GAK: variants seen among roughly 807,000 people sequenced by gnomAD.
GAK encodes the protein cyclin G associated kinase.
Under a neutral mutation model 143.9 loss-of-function variants are expected in GAK, and 79 were observed. The ratio of observed to expected loss-of-function variants is 0.55; its 90% CI spans 0.46 to 0.66. The LOEUF (loss-of-function observed/expected upper bound fraction) is 0.66, where lower values mean the gene tolerates loss of function less well. GAK is among the 30% of genes least tolerant of loss of function. The probability of loss-of-function intolerance (pLI) is 0.00; values close to 1 mark genes in which losing one functional copy is unlikely to be tolerated. For missense variants in GAK, 1,693 were observed against 1,779.7 expected (o/e 0.95, Z 0.88); for synonymous variants, 881 against 765.5 (o/e 1.15, Z -2.49).
Position 849,549 on chromosome 4 carries a change from C to G in GAK, c.*124G>C. 1.5e-6 allele frequency: 1 copy of G among 677,404 alleles called. No individual in the cohort carries two copies. Among genetic ancestry groups the G allele is most frequent in the East Asian group, 2.7e-5 (1 of 36,404 alleles). 42.0% of individuals were successfully genotyped at this position (677,404 alleles called of 1,614,324 possible). ...CTGGAACGCTGGGCGGGCGGTGACC[C>G]GGGGCTCGGAGCCCCACCCTGGCCA... On this transcript the variant is annotated 3_prime_UTR_variant, in exon 28 of 28. Coordinates refer to ENST00000314167, the MANE Select transcript of GAK (RefSeq NM_005255.4).
At chr4:851,680 T>G (rs1044251526) in intron 25 of GAK, 70 bp downstream of exon 25, 1 of 1,486,778 alleles carries the variant, frequency 6.7e-7, no homozygotes, top group Non-Finnish European at 9.3e-7. Context: ...GAAAACAACA[T>G]AGGTTCTACC....
chr4:882,147 T>G, intron 14 of GAK, 107 bp from the exon 15 acceptor site: 1 of 1,204,118 alleles, frequency 8.3e-7, no homozygotes. Flanking sequence ...GACGCAGGGC[T>G]GTTCCTCTCT....
At chr4:849,834 A>ACCCCCCCCCCCCCCCCC (rs33919242) in intron 27 of GAK, 58 bp downstream of exon 27, 3 of 942,236 alleles carry the variant, frequency 3.2e-6, no homozygotes, top group South Asian at 1.5e-5. Flanking sequence ...GCGGGGCAGG[A>ACCCCCCCCCCCCCCCCC]CCCCCCCCCC....
At chr4:861,820 G>A (rs1750333515) in intron 23 of GAK, among the ~76,000 whole-genome samples, 3 of 152,222 alleles carry the variant, frequency 2.0e-5, no homozygotes, top group Non-Finnish European at 2.9e-5. Context: ...GTGATCTGGA[G>A]AGAAGGTCAA....
At chr4:887,042 T>G (rs1029174720) in intron 11 of GAK, 1 of 151,342 alleles carries the variant, frequency 6.6e-6, no homozygotes, top group African/African-American at 2.4e-5. Context: ...CTCCTACACA[T>G]GCACGCGGCC....
chr4:867,548 C>T (rs1751439091), intron 20 of GAK, 116 bp from the exon 21 acceptor site: 22 of 569,624 alleles, frequency 3.9e-5, no homozygotes, highest in Non-Finnish European at 2.8e-5. Flanking sequence ...CACACGTGGC[C>T]AGCACCAGGG....
At chr4:891,543 G>A (rs1302126410) in intron 9 of GAK, among the ~76,000 whole-genome samples, 2 of 152,124 alleles carry the variant, frequency 1.3e-5, no homozygotes, top group Non-Finnish European at 2.9e-5. Context: ...TTAAGCAGGG[G>A]TCTAACGTCT....
intron 5 of GAK, among the ~76,000 whole-genome samples, chr4:898,708 C>A (rs930384834): frequency 6.6e-6 from 1 of 152,092 alleles, no homozygotes; most frequent in African/African-American, 2.4e-5. Flanking sequence ...CTAAAAAATA[C>A]AAAAATTAGC....
In GAK at chr4:932,310, C is replaced by T; in HGVS notation, c.-123G>A. On this transcript the variant is annotated 5_prime_UTR_variant, in exon 1 of 28. Transcript: ENST00000314167. This position sits in a 1 kb window ranked among gnomAD's most constrained non-coding sequence, Gnocchi z 4.0. ...GGTGCACCATCTTCCGCCTCGACGCCGTGACGTAGGCGCCCGTGAGGACGC... is the reference window on the plus strand; with the variant it reads ...GGTGCACCATCTTCCGCCTCGACGCTGTGACGTAGGCGCCCGTGAGGACGC... 5 of 1,377,966 alleles carry T rather than the reference C, an allele frequency of 3.6e-6. No homozygotes were observed. Among genetic ancestry groups the T allele is most frequent in the Non-Finnish European group, 4.7e-6 (5 of 1,073,208 alleles). The allele number at this position is 1,377,966 out of a possible 1,614,324, so 85.4% of individuals were successfully genotyped here.
At chr4:883,592 A>G in intron 12 of GAK, 129 bp from the exon 13 acceptor site, 1 of 1,048,346 alleles carries the variant, frequency 9.5e-7, no homozygotes, top group East Asian at 2.4e-5. Flanking sequence ...GCCACTGCCC[A>G]CACAGCCGGC....
chr4:906,125 C>A (rs1721039972), intron 4 of GAK, among the ~76,000 whole-genome samples: 1 of 152,232 alleles, frequency 6.6e-6, no homozygotes, highest in Non-Finnish European at 1.5e-5. Flanking sequence ...GGCGTCCCAG[C>A]AGCCGAGGTG....
intron 21 of GAK, 88 bp from the exon 22 acceptor site, chr4:866,622 G>A (rs1018322228): frequency 7.0e-7 from 1 of 1,429,882 alleles, no homozygotes; most frequent in Non-Finnish European, 9.5e-7. Flanking sequence ...TGCCCAAGAG[G>A]CCACTCCAGC....
intron 5 of GAK, among the ~76,000 whole-genome samples, chr4:899,196 C>T (rs1207931993): frequency 2.6e-5 from 4 of 152,228 alleles, no homozygotes; most frequent in Non-Finnish European, 4.4e-5. Context: ...AAGCCTCAGC[C>T]CCAACATTTA....
chr4:889,049 G>GCCCCAGGTGCTTGGTCCCACCA lies in GAK; in HGVS notation c.1082-80_1082-79insTGGTGGGACCAAGCACCTGGGG. Reference sequence around the variant, plus strand: ...GGTGCGGGTTGCTGGCTGGGCCCAGGCCCCAGGCGCTCGGTCCCACCTCCC... The same window carrying GCCCCAGGTGCTTGGTCCCACCA: ...GGTGCGGGTTGCTGGCTGGGCCCAGGCCCCAGGTGCTTGGTCCCACCACCCCAGGCGCTCGGTCCCACCTCCC... On this transcript the variant is annotated intron_variant, in intron 10 of 27. Transcript: ENST00000314167. 6 of 1,474,672 alleles carry GCCCCAGGTGCTTGGTCCCACCA rather than the reference G, an allele frequency of 4.1e-6. No homozygotes were observed. In the South Asian group the frequency reaches 7.8e-5, roughly 19 times the overall value. 91.3% of individuals were successfully genotyped at this position (1,474,672 alleles called of 1,614,324 possible). A position where few individuals can be genotyped will look rare whatever the true frequency, so the allele number is the denominator to read the frequency against.
In GAK at chr4:862,582, C is replaced by T. The variant is rs539967197; in HGVS notation, c.3166+2540G>A. Among the ~76,000 whole-genome samples, 895 of 151,674 alleles carry T rather than the reference C, an allele frequency of 5.9e-3. 11 individuals carry two copies. The highest frequency in any genetic ancestry group is 0.02 in the African/African-American group (844 of 41,330). Reference sequence around the variant, plus strand: ...CTGAGGCAGGAGAATGGTGTCAACCCGGGAGGCGGAGCTTGCAGTGAGCCA... The same window carrying T: ...CTGAGGCAGGAGAATGGTGTCAACCTGGGAGGCGGAGCTTGCAGTGAGCCA... On this transcript the variant is annotated intron_variant, in intron 23 of 27. Transcript: ENST00000314167.
intron 18 of GAK, chr4:872,562 GCA>G (rs929590428): frequency 6.6e-6 from 1 of 152,572 alleles, no homozygotes; most frequent in Non-Finnish European, 1.5e-5. Flanking sequence ...GGGCGGAGAG[GCA>G]CAGTGGGAGG....
intron 25 of GAK, chr4:851,456 A>T (rs1748125305): frequency 1.9e-6 from 1 of 530,612 alleles, no homozygotes. Flanking sequence ...CCCCGGGAAC[A>T]GGGCTACCAT....
intron 8 of GAK, 46 bp downstream of exon 8, chr4:893,828 T>C (rs1189264720): frequency 6.6e-7 from 1 of 1,519,612 alleles, no homozygotes; most frequent in Non-Finnish European, 8.8e-7. Context: ...ACGCGGGGTC[T>C]GTGCTCCAGG....
intron 4 of GAK, among the ~76,000 whole-genome samples, chr4:910,727 TCTC>T (rs764958639): frequency 2.7e-5 from 4 of 150,306 alleles, no homozygotes; most frequent in Non-Finnish European, 4.4e-5. Flanking sequence ...GCTCCCGGCC[TCTC>T]CTCTCCCCTC....
Sources: allele counts gnomAD v4.1 joint callset (sites outside exome capture counted in the v4.1 genomes callset), GRCh38; gene constraint gnomAD v4.1.1; non-coding constraint Gnocchi (gnomAD v3.1); transcripts MANE v1.5; gene names NCBI Gene and HGNC (gene_info 2026-07-23, HGNC 2026-07-21).